The following CLASP2 variants were observed in gnomAD, a reference collection of about 807,000 sequenced individuals.
CLASP2 encodes CLIP-associating protein 2.
In CLASP2, 47 loss-of-function variants were observed where a neutral mutation model predicts 194.4. That is an observed-to-expected ratio of 0.24 (90% confidence interval 0.19 to 0.31). CLASP2 has a LOEUF of 0.31. Ranked by LOEUF, CLASP2 falls within the 10% of genes least tolerant of loss-of-function variation. The probability of loss-of-function intolerance (pLI) is 1.00; values close to 1 mark genes in which losing one functional copy is unlikely to be tolerated. For synonymous variants in CLASP2, 619 were observed against 633.5 expected, an observed-to-expected ratio of 0.98 and a Z score of 0.34; for missense variants, 1,445 against 1,823.6, an observed-to-expected ratio of 0.79 and a Z score of 3.78.
chr3:33,558,463 T>C (rs757424377), intron 29 of CLASP2: 1 of 151,994 alleles, frequency 6.6e-6, no homozygotes, highest in Non-Finnish European at 1.5e-5. Context: ...TATAAGCACA[T>C]ATGCTTGTTA....
chr3:33,533,197 A>G (rs1454073211), intron 34 of CLASP2, among the ~76,000 whole-genome samples: 1 of 152,218 alleles, frequency 6.6e-6, no homozygotes, highest in Non-Finnish European at 1.5e-5. Context: ...TTCAATGGAT[A>G]CTTTCATGCT....
chr3:33,705,086 T>C (rs926221461), intron 1 of CLASP2, among the ~76,000 whole-genome samples: 2 of 152,140 alleles, frequency 1.3e-5, no homozygotes, highest in Admixed American at 1.3e-4. Context: ...CAGCCATACA[T>C]ACTTGTACGT....
chr3:33,655,632 A>T (rs2084030992), intron 7 of CLASP2, among the ~76,000 whole-genome samples: 1 of 152,208 alleles, frequency 6.6e-6, no homozygotes, highest in South Asian at 2.1e-4. Flanking sequence ...ATTAATTTAA[A>T]TTACCTGATC....
In CLASP2 at chr3:33,576,261, T is replaced by G; in HGVS notation, c.2362A>C (p.Ile788Leu). Residue 788 changes from isoleucine (I) to leucine (L), a missense_variant, in exon 24 of 39, where the codon ATC becomes CTC. Around this residue, in one of 4 missense-constraint regions of CLASP2, gnomAD observed 732 missense variants for 987.9 expected, o/e 0.74. Transcript: ENST00000682230. ...SFQPLGPGYG[I>L]SQSSRLSSSV... is the part of the protein sequence containing the mutation. Reference sequence around the variant, plus strand: ...GACGACAGTCGACTTGATTGGCTGATCCCATAACCTGGACCTAATTCATCA... The same window carrying G: ...GACGACAGTCGACTTGATTGGCTGAGCCCATAACCTGGACCTAATTCATCA... 6.2e-7 allele frequency: 1 copy of G among 1,613,254 alleles called. No individual in the cohort carries two copies. Among genetic ancestry groups the G allele is most frequent in the African/African-American group, 1.3e-5 (1 of 75,002 alleles).
intron 24 of CLASP2, 66 bp downstream of exon 24, chr3:33,576,103 T>C (rs770433480): frequency 7.5e-5 from 93 of 1,235,754 alleles, no homozygotes; most frequent in Non-Finnish European, 1.0e-4. Context: ...ATGGATAGAC[T>C]GGCCTACTCA....
At chr3:33,521,769 T>G (rs1241437525) in intron 34 of CLASP2, among the ~76,000 whole-genome samples, 1 of 152,192 alleles carries the variant, frequency 6.6e-6, no homozygotes, top group East Asian at 1.9e-4. Context: ...ATGTAACTAT[T>G]TTGGAACTCT....
At chr3:33,529,138 T>C (rs1454181455) in intron 34 of CLASP2, among the ~76,000 whole-genome samples, 1 of 152,066 alleles carries the variant, frequency 6.6e-6, no homozygotes, top group African/African-American at 2.4e-5. Flanking sequence ...AGCTCTACAA[T>C]GAGAATTACA....
At chr3:33,552,511 T>C (rs1036772343) in intron 29 of CLASP2, among the ~76,000 whole-genome samples, 3 of 152,216 alleles carry the variant, frequency 2.0e-5, no homozygotes, top group African/African-American at 7.2e-5. Flanking sequence ...CTAATTAAGA[T>C]ATGCCTCATA....
chr3:33,523,386 A>T (rs2053666611), intron 34 of CLASP2, among the ~76,000 whole-genome samples: 1 of 152,224 alleles, frequency 6.6e-6, no homozygotes, highest in Admixed American at 6.5e-5. Flanking sequence ...AACTTTCAAA[A>T]GGCAAAGACA....
intron 6 of CLASP2, among the ~76,000 whole-genome samples, chr3:33,669,541 T>C (rs1370753095): frequency 2.7e-5 from 4 of 148,928 alleles, no homozygotes; most frequent in Non-Finnish European, 6.0e-5. Flanking sequence ...ACAGAACATA[T>C]AAAAAAGTTC....
chr3:33,596,496 CTA>C (rs1357624299), intron 19 of CLASP2: 1 of 445,570 alleles, frequency 2.2e-6, no homozygotes, highest in Non-Finnish European at 4.0e-6. Context: ...AAATAGTTAC[CTA>C]GTATTTGAGC....
At position 33,701,430 on chromosome 3, in the gene CLASP2, T is replaced by C. The variant is rs527523317; in HGVS notation, c.196-4497A>G. 2.6e-5 allele frequency among the ~76,000 whole-genome samples: 4 copies of C among 152,338 alleles called. No individual in the cohort carries two copies. In the South Asian group the frequency reaches 8.3e-4, roughly 32 times the overall value. ...GGGCAACATAGCGAGAACCTGTCTC[T>C]ACAAAAAATTTTAAAAGTAGCTGGC... On this transcript the variant is annotated intron_variant, in intron 1 of 38. Transcript: ENST00000682230.
chr3:33,638,564 C>T (rs902244859), intron 8 of CLASP2, among the ~76,000 whole-genome samples: 4 of 152,154 alleles, frequency 2.6e-5, no homozygotes, highest in Non-Finnish European at 5.9e-5. Context: ...CCTAGGCCTC[C>T]CAAAGTGCTG....
Position 33,517,107 on chromosome 3 carries a change from A to G in CLASP2, c.3855T>C (p.Arg1285=), listed in dbSNP as rs761137275. 6.2e-7 allele frequency: 1 copy of G among 1,613,646 alleles called. No individual in the cohort carries two copies. The highest frequency in any genetic ancestry group is 8.5e-7 in the Non-Finnish European group (1 of 1,179,752). Residue 1285 remains arginine, a synonymous_variant, in exon 35 of 39, where the codon CGT becomes CGC. Transcript: ENST00000682230. ...LLKELSNHNE[R]VEERKIALYE... ...AGAGGGCAATTTTTCTTTCTTCTAC[A>G]CGCTCATTATGGTTAGACAGCTCCT...
intron 6 of CLASP2, among the ~76,000 whole-genome samples, chr3:33,674,605 T>C (rs1463235299): frequency 8.6e-5 from 13 of 151,588 alleles, no homozygotes; most frequent in Non-Finnish European, 1.0e-4. Flanking sequence ...CTGAAGGAAA[T>C]AGAGACACAA....
At chr3:33,565,383 G>A (rs1202026076) in intron 27 of CLASP2, among the ~76,000 whole-genome samples, 1 of 151,934 alleles carries the variant, frequency 6.6e-6, no homozygotes, top group South Asian at 2.1e-4. Flanking sequence ...GTTTCACCAT[G>A]TTGGCCTGGC....
At chr3:33,610,833 CA>C (rs1204645087) in intron 13 of CLASP2, among the ~76,000 whole-genome samples, 2 of 152,190 alleles carry the variant, frequency 1.3e-5, no homozygotes, top group Non-Finnish European at 2.9e-5. Context: ...CAACTGTTGT[CA>C]AAAGTTTGAA....
intron 34 of CLASP2, among the ~76,000 whole-genome samples, chr3:33,531,251 G>A (rs1184009758): frequency 1.3e-5 from 2 of 152,060 alleles, no homozygotes; most frequent in East Asian, 3.9e-4. Flanking sequence ...TATCAACAGA[G>A]TAAAATGGCA....
chr3:33,572,936 T>G (rs1229887976), intron 25 of CLASP2, among the ~76,000 whole-genome samples, 174 bp downstream of exon 25: 2 of 149,822 alleles, frequency 1.3e-5, no homozygotes, highest in South Asian at 4.2e-4. Context: ...TTTTTAGTAA[T>G]GAAAGTATAG....
Sources: allele counts gnomAD v4.1 joint callset (sites outside exome capture counted in the v4.1 genomes callset), GRCh38; gene constraint gnomAD v4.1.1; regional missense constraint gnomAD v4.1.1; transcripts MANE v1.5; gene names NCBI Gene and HGNC (gene_info 2026-07-23, HGNC 2026-07-21).